The following RPUSD4 variants were observed in gnomAD, a reference collection of about 807,000 sequenced individuals.
RPUSD4 encodes RNA pseudouridine synthase D4.
In RPUSD4, 37 loss-of-function variants were observed where a neutral mutation model predicts 35.4. The ratio of observed to expected loss-of-function variants is 1.04; its 90% CI spans 0.80 to 1.37. The LOEUF (loss-of-function observed/expected upper bound fraction) is 1.37. Among genes scored for constraint, RPUSD4 ranks in the 40% most tolerant of loss-of-function variants. RPUSD4 has a pLI of 0.00. For missense variants in RPUSD4, 507 were observed against 484.9 expected, an observed-to-expected ratio of 1.05 and a Z score of -0.43; for synonymous variants, 210 against 192.7, an observed-to-expected ratio of 1.09 and a Z score of -0.74.
chr11:126,203,762 C>T, intron 6 of RPUSD4, 105 bp from the exon 7 acceptor site: 3 of 1,396,188 alleles, frequency 2.1e-6, no homozygotes, highest in Non-Finnish European at 2.9e-6. Context: ...AAACTAACCC[C>T]CTGGAAGACA....
At chr11:126,210,550 C>CACACA (rs3220746) in intron 2 of RPUSD4, among the ~76,000 whole-genome samples, 2 of 144,728 alleles carry the variant, frequency 1.4e-5, no homozygotes, top group South Asian at 2.2e-4. Context: ...CACACACACA[C>CACACA]CCCCTTTTTT....
At chr11:126,205,342 A>G in intron 5 of RPUSD4, 126 bp downstream of exon 5, 1 of 1,183,736 alleles carries the variant, frequency 8.4e-7, no homozygotes, top group Non-Finnish European at 1.2e-6. Context: ...CCCCGGCCTC[A>G]GATCAGCACC....
chr11:126,206,814 CCACTT>C (rs1210143534), intron 3 of RPUSD4, among the ~76,000 whole-genome samples: 1 of 152,172 alleles, frequency 6.6e-6, no homozygotes, highest in Non-Finnish European at 1.5e-5. Flanking sequence ...CGCAGACACT[CCACTT>C]CAGTTTCAGC....
intron 3 of RPUSD4, among the ~76,000 whole-genome samples, chr11:126,207,526 T>C (rs2135100837): frequency 6.6e-6 from 1 of 152,302 alleles, no homozygotes; most frequent in East Asian, 1.9e-4. Context: ...ATAAAATGAA[T>C]ACTTACAAAT....
At chr11:126,205,052 G>C (rs1949756385) in intron 5 of RPUSD4, among the ~76,000 whole-genome samples, 2 of 152,142 alleles carry the variant, frequency 1.3e-5, no homozygotes, top group Admixed American at 1.3e-4. Context: ...TTCTTTTAAA[G>C]CTGAAAATAA....
chr11:126,210,769 A>T, intron 2 of RPUSD4, 121 bp downstream of exon 2: 1 of 981,664 alleles, frequency 1.0e-6, no homozygotes, highest in Admixed American at 2.6e-5. Flanking sequence ...ACGGTAGTTT[A>T]CAAAAGTTTA....
chr11:126,209,716 G>C lies in RPUSD4; in HGVS notation c.362C>G (p.Pro121Arg), dbSNP rs543404372. 1.6e-4 allele frequency: 264 copies of C among 1,612,940 alleles called. 3 individuals are homozygous for C. In the South Asian group the frequency reaches 2.8e-3, roughly 17 times the overall value. ...KPYGLPVHGG[P>R]GVQLCITDVL... ...ATCAGTGATGCAGAGCTGGACCCCA[G>C]GGCCACCTAAGAAGGAAAAAGCCAA... is the stretch of plus-strand genomic sequence containing the variant. Residue 121 changes from proline to arginine, a missense_variant, in exon 3 of 7, where the codon CCT (proline) becomes CGT (arginine). Coordinates refer to ENST00000298317, the MANE Select transcript of RPUSD4 (RefSeq NM_032795.3).
intron 3 of RPUSD4, among the ~76,000 whole-genome samples, chr11:126,208,055 A>T (rs987780265): frequency 1.3e-5 from 2 of 151,976 alleles, no homozygotes; most frequent in Non-Finnish European, 2.9e-5. Context: ...ACAGTGGCAA[A>T]CCCTTTAAAA....
intron 1 of RPUSD4, 23 bp downstream of exon 1, chr11:126,211,427 A>T: frequency 6.3e-7 from 1 of 1,594,528 alleles, no homozygotes; most frequent in Non-Finnish European, 8.5e-7. Context: ...GCCTCTAGGG[A>T]GTTCTGGTCC....
In RPUSD4 at chr11:126,203,613, C is replaced by T. The variant is rs780287179; in HGVS notation, c.939G>A (p.Ser313=). The change falls in exon 7 of 7, where the codon TCG becomes TCA. Residue 313 remains serine (S), a synonymous_variant. Transcript: ENST00000298317. The part of the protein sequence containing the change: ...GTLKKLGLEQ[S]KARYIPLHLH... ...GGTGAAGGGGGATGTAGCGGGCCTT[C>T]GACTGTTCTAGCCCCAGCTTCTTCA... is the stretch of plus-strand genomic sequence containing the variant. 3.2e-5 allele frequency: 52 copies of T among 1,614,026 alleles called. No individual in the cohort carries two copies. Among genetic ancestry groups the T allele is most frequent in the Non-Finnish European group, 3.1e-5 (36 of 1,180,028 alleles).
rs1490492323 is a variant in RPUSD4 at position 126,205,339 on chromosome 11, C to G, written c.796+129G>C. ...AACCATCTCTCTGGGAGTCCCCGGCCTCAGATCAGCACCAGAAGCACATTC... is the reference window on the plus strand; with the variant it reads ...AACCATCTCTCTGGGAGTCCCCGGCGTCAGATCAGCACCAGAAGCACATTC... On this transcript the variant is annotated intron_variant, in intron 5 of 6. Transcript: ENST00000298317. 5 of 1,158,284 alleles carry G rather than the reference C, an allele frequency of 4.3e-6. No homozygotes were observed. In the African/African-American group the frequency reaches 7.7e-5, roughly 18 times the overall value. 71.8% of individuals were successfully genotyped at this position (1,158,284 alleles called of 1,614,324 possible).
At chr11:126,204,971 T>C (rs1013805381) in intron 5 of RPUSD4, among the ~76,000 whole-genome samples, 2 of 152,188 alleles carry the variant, frequency 1.3e-5, no homozygotes, top group African/African-American at 2.4e-5. Flanking sequence ...GTGCCTGGCT[T>C]ATTTTACTTA....
chr11:126,210,520 T>TACATAC (rs746246254), intron 2 of RPUSD4, among the ~76,000 whole-genome samples: 4 of 60,254 alleles, frequency 6.6e-5, no homozygotes, highest in Non-Finnish European at 6.8e-5. Flanking sequence ...CCAACATACA[T>TACATAC]ACACACACAC....
intron 3 of RPUSD4, among the ~76,000 whole-genome samples, chr11:126,208,330 C>T (rs573277765): frequency 2.0e-5 from 3 of 152,204 alleles, no homozygotes; most frequent in South Asian, 4.1e-4. Flanking sequence ...CAGCTCTAAA[C>T]GTATGACACA....
intron 3 of RPUSD4, chr11:126,208,601 T>C (rs1022516467): frequency 4.6e-5 from 7 of 152,158 alleles, no homozygotes; most frequent in Non-Finnish European, 7.3e-5. Context: ...CCCCAAGACA[T>C]AGAGGTGAGC....
intron 3 of RPUSD4, chr11:126,206,687 T>C (rs1286241529): frequency 6.6e-6 from 1 of 152,264 alleles, no homozygotes; most frequent in Non-Finnish European, 1.5e-5. Flanking sequence ...TTAATCTGTC[T>C]GTAAATTTAT....
intron 1 of RPUSD4, 54 bp from the exon 2 acceptor site, chr11:126,211,109 G>C: frequency 1.9e-6 from 3 of 1,590,880 alleles, no homozygotes; most frequent in Non-Finnish European, 1.7e-6. Context: ...CCGTGGAGAA[G>C]ACCTTCCATA....
At chr11:126,204,774 T>A (rs774840121) in intron 5 of RPUSD4, among the ~76,000 whole-genome samples, 3 of 152,196 alleles carry the variant, frequency 2.0e-5, no homozygotes, top group Non-Finnish European at 4.4e-5. Flanking sequence ...ACCACCACCA[T>A]CCATCTCTAG....
intron 2 of RPUSD4, among the ~76,000 whole-genome samples, chr11:126,210,005 G>A (rs1949825494): frequency 6.6e-6 from 1 of 152,192 alleles, no homozygotes; most frequent in Non-Finnish European, 1.5e-5. Context: ...AGAGCATGTG[G>A]CTTCCTCTCA....
Sources: allele counts gnomAD v4.1 joint callset (sites outside exome capture counted in the v4.1 genomes callset), GRCh38; gene constraint gnomAD v4.1.1; transcripts MANE v1.5; gene names NCBI Gene and HGNC (gene_info 2026-07-23, HGNC 2026-07-21).